The following EXOC6B variants were observed in gnomAD, a reference collection of about 807,000 sequenced individuals.
The protein encoded by EXOC6B is SEC15 homolog B.
A neutral mutation model predicts 113.5 loss-of-function variants in EXOC6B; 54 were observed. The observed-to-expected ratio is 0.48, with a 90% CI of 0.38 to 0.60. EXOC6B has a LOEUF of 0.60. Among genes scored for constraint, EXOC6B ranks in the 20% least tolerant of loss-of-function variants. The pLI is 0.00. For missense variants in EXOC6B, 797 were observed against 977.5 expected (o/e 0.82, Z 2.46); for synonymous variants, 357 against 339.0 (o/e 1.05, Z -0.58).
At position 72,312,795 on chromosome 2, in the gene EXOC6B, A is replaced by T. The variant is rs566008980; in HGVS notation, c.2196+22152T>A. Among the ~76,000 whole-genome samples, 4 of 125,318 alleles carry T rather than the reference A, an allele frequency of 3.2e-5. No homozygotes were observed. The East Asian group carries it at 7.9e-4, about 25-fold the overall frequency. The allele number at this position is 125,318 out of a possible 152,430, so 82.2% of individuals were successfully genotyped here. ...ACAACAACAACAACAAACAAAAACGACAACCAAAAAAAAAAAAAACAAAAA... is the reference window on the plus strand; with the variant it reads ...ACAACAACAACAACAAACAAAAACGTCAACCAAAAAAAAAAAAAACAAAAA... On this transcript the variant is annotated intron_variant, in intron 20 of 21. Transcript: ENST00000272427.
intron 6 of EXOC6B, among the ~76,000 whole-genome samples, chr2:72,602,455 T>C (rs2104010329): frequency 6.6e-6 from 1 of 152,302 alleles, no homozygotes; most frequent in Non-Finnish European, 1.5e-5. Flanking sequence ...CATAATATTC[T>C]CTCACCAATA....
chr2:72,680,017 G>A (rs1330604834), intron 6 of EXOC6B, among the ~76,000 whole-genome samples: 2 of 152,084 alleles, frequency 1.3e-5, no homozygotes, highest in Admixed American at 1.3e-4. Context: ...GATTATATAA[G>A]AGAATGCTTT....
intron 20 of EXOC6B, among the ~76,000 whole-genome samples, chr2:72,284,524 G>A (rs1004087081): frequency 6.6e-6 from 1 of 151,978 alleles, no homozygotes; most frequent in Non-Finnish European, 1.5e-5. Context: ...ACTAAATGGT[G>A]AGAAACTATA....
chr2:72,387,545 T>G (rs1225220126), intron 18 of EXOC6B, among the ~76,000 whole-genome samples: 1 of 152,156 alleles, frequency 6.6e-6, no homozygotes, highest in East Asian at 1.9e-4. Flanking sequence ...TATTCTTGAG[T>G]AATTTGTAAT....
At chr2:72,242,371 T>C (rs1039060189) in intron 20 of EXOC6B, among the ~76,000 whole-genome samples, 9 of 152,118 alleles carry the variant, frequency 5.9e-5, no homozygotes, top group African/African-American at 1.2e-4. Context: ...AGGGAAGAAT[T>C]GGAAAAACTC....
intron 20 of EXOC6B, among the ~76,000 whole-genome samples, chr2:72,194,872 C>A (rs568185472): frequency 6.6e-6 from 1 of 152,074 alleles, no homozygotes; most frequent in African/African-American, 2.4e-5. Flanking sequence ...CAGGTTGGTT[C>A]CTGGCCCTAC....
chr2:72,751,534 G>A (rs555610034), intron 1 of EXOC6B, among the ~76,000 whole-genome samples: 14 of 152,156 alleles, frequency 9.2e-5, no homozygotes, highest in African/African-American at 3.1e-4. Flanking sequence ...GCCCTTGACC[G>A]AGAGGAAGGG....
At chr2:72,409,366 G>A (rs1169521644) in intron 18 of EXOC6B, among the ~76,000 whole-genome samples, 1 of 152,014 alleles carries the variant, frequency 6.6e-6, no homozygotes, top group East Asian at 1.9e-4. Flanking sequence ...CCCATTACTG[G>A]GTATATACCC....
intron 20 of EXOC6B, among the ~76,000 whole-genome samples, chr2:72,188,613 C>A (rs534291628): frequency 6.6e-6 from 1 of 152,158 alleles, no homozygotes. Flanking sequence ...TCTATTTATC[C>A]GTATAGTACT....
At chr2:72,567,235 G>A (rs568886176) in intron 7 of EXOC6B, among the ~76,000 whole-genome samples, 6 of 152,038 alleles carry the variant, frequency 3.9e-5, no homozygotes, top group East Asian at 3.9e-4. Context: ...AGCCAAAAGC[G>A]TTTGAACATA....
chr2:72,591,361 G>T (rs76812570), intron 6 of EXOC6B, among the ~76,000 whole-genome samples: 1 of 152,158 alleles, frequency 6.6e-6, no homozygotes, highest in Non-Finnish European at 1.5e-5. Flanking sequence ...TGCTCATTTT[G>T]TCTGATATTT....
chr2:72,366,827 A>C (rs891437214), intron 19 of EXOC6B, among the ~76,000 whole-genome samples: 1 of 151,932 alleles, frequency 6.6e-6, no homozygotes, highest in Non-Finnish European at 1.5e-5. Flanking sequence ...AGAATTCATT[A>C]TACAGTGAAA....
intron 6 of EXOC6B, among the ~76,000 whole-genome samples, chr2:72,648,525 C>T (rs568442537): frequency 6.6e-6 from 1 of 152,266 alleles, no homozygotes; most frequent in South Asian, 2.1e-4. Flanking sequence ...ATCTTGGAAC[C>T]AACCCAAATG....
chr2:72,449,526 T>C (rs1221784489), intron 18 of EXOC6B, among the ~76,000 whole-genome samples: 1 of 151,664 alleles, frequency 6.6e-6, no homozygotes, highest in Non-Finnish European at 1.5e-5. Context: ...AATAAAATTA[T>C]AATGAATTTT....
At chr2:72,263,552 A>T (rs1007561948) in intron 20 of EXOC6B, 2 of 152,216 alleles carry the variant, frequency 1.3e-5, no homozygotes, top group Non-Finnish European at 2.9e-5. Context: ...TAGAAACTAA[A>T]TCTATGAATG....
chr2:72,408,780 C>G (rs1334890430), intron 18 of EXOC6B, among the ~76,000 whole-genome samples: 4 of 152,112 alleles, frequency 2.6e-5, no homozygotes, highest in Non-Finnish European at 4.4e-5. Context: ...AAAACCTAGG[C>G]AATACCATTC....
At chr2:72,631,435 T>C (rs1672404237) in intron 6 of EXOC6B, among the ~76,000 whole-genome samples, 1 of 13,344 alleles carries the variant, frequency 7.5e-5, no homozygotes, top group Non-Finnish European at 1.5e-4. Context: ...TGTATATATA[T>C]ATATATATAT....
intron 6 of EXOC6B, among the ~76,000 whole-genome samples, chr2:72,611,058 T>C (rs1442099728): frequency 6.6e-6 from 1 of 152,090 alleles, no homozygotes; most frequent in Non-Finnish European, 1.5e-5. Flanking sequence ...CATGCACCAG[T>C]ACCTCCCAAG....
intron 11 of EXOC6B, among the ~76,000 whole-genome samples, chr2:72,510,498 G>A (rs1167651743): frequency 6.6e-6 from 1 of 150,772 alleles, no homozygotes; most frequent in Non-Finnish European, 1.5e-5. Flanking sequence ...AATATCAAAT[G>A]AATCAATTAA....
Sources: allele counts gnomAD v4.1 joint callset (sites outside exome capture counted in the v4.1 genomes callset), GRCh38; gene constraint gnomAD v4.1.1; transcripts MANE v1.5; gene names NCBI Gene and HGNC (gene_info 2026-07-23, HGNC 2026-07-21).